Variants in LURAP1L observed in about 807,000 individuals in gnomAD.
LURAP1L encodes leucine rich adaptor protein 1 like, also known as leucine rich adaptor protein 1-like.
Under a neutral mutation model 13.8 loss-of-function variants are expected in LURAP1L, and 12 were observed. The ratio of observed to expected loss-of-function variants is 0.87; its 90% CI spans 0.56 to 1.41. LURAP1L has a LOEUF of 1.41. Ranked by LOEUF, LURAP1L falls within the 40% of genes most tolerant of loss-of-function variation. LURAP1L has a pLI of 0.00. For missense variants in LURAP1L, 375 were observed against 292.9 expected (o/e 1.28, Z -2.04); for synonymous variants, 139 against 119.2 (o/e 1.17, Z -1.08).
chr9:12,788,293 T>C (rs1044216528), intron 1 of LURAP1L, among the ~76,000 whole-genome samples: 1 of 152,060 alleles, frequency 6.6e-6, no homozygotes, highest in African/African-American at 2.4e-5. Flanking sequence ...GAAAAAAGAA[T>C]GATGATGCCT....
At chr9:12,777,613 A>G in intron 1 of LURAP1L, 1 of 955,606 alleles carries the variant, frequency 1.0e-6, no homozygotes, top group Non-Finnish European at 1.2e-6. Context: ...TAGCACATCA[A>G]AGATAATACT....
intron 1 of LURAP1L, 89 bp from the exon 2 acceptor site, chr9:12,821,297 T>A: frequency 7.1e-7 from 1 of 1,404,520 alleles, no homozygotes; most frequent in South Asian, 1.4e-5. Flanking sequence ...TTTAAAATTC[T>A]GAACTGCAGC....
chr9:12,785,823 G>A (rs369359609), intron 1 of LURAP1L, among the ~76,000 whole-genome samples: 2 of 152,068 alleles, frequency 1.3e-5, no homozygotes, highest in African/African-American at 4.8e-5. Flanking sequence ...TTAAAACCGG[G>A]TACTATGATT....
chr9:12,806,321 G>C (rs1276263515), intron 1 of LURAP1L, among the ~76,000 whole-genome samples: 1 of 152,016 alleles, frequency 6.6e-6, no homozygotes. Flanking sequence ...TCGTTTTCTA[G>C]TATACATATT....
chr9:12,811,879 C>A (rs1454002201), intron 1 of LURAP1L, among the ~76,000 whole-genome samples: 2 of 152,148 alleles, frequency 1.3e-5, no homozygotes, highest in Non-Finnish European at 2.9e-5. Context: ...CATCAAGGTG[C>A]CTTGATGAGG....
At chr9:12,819,226 T>C (rs1466722314) in intron 1 of LURAP1L, among the ~76,000 whole-genome samples, 1 of 152,212 alleles carries the variant, frequency 6.6e-6, no homozygotes, top group East Asian at 1.9e-4. Context: ...TTTAGTGCTT[T>C]GTTCAGAGAA....
At chr9:12,820,449 G>A (rs955993423) in intron 1 of LURAP1L, among the ~76,000 whole-genome samples, 15 of 142,790 alleles carry the variant, frequency 1.1e-4, no homozygotes, top group African/African-American at 3.9e-4. Flanking sequence ...CTTGCAGTGA[G>A]CCGAGATTCC....
intron 1 of LURAP1L, among the ~76,000 whole-genome samples, chr9:12,800,550 A>G (rs1418278509): frequency 1.3e-5 from 2 of 152,152 alleles, no homozygotes; most frequent in African/African-American, 4.8e-5. Context: ...AAAACAAAAA[A>G]CATATTGAAT....
At position 12,777,176 on chromosome 9, in the gene LURAP1L, C is replaced by T. The variant is rs541234285; in HGVS notation, c.312+1149C>T. 9 of 887,686 alleles carry T rather than the reference C, an allele frequency of 1.0e-5. No homozygotes were observed. In the East Asian group the frequency reaches 6.0e-4, roughly 59 times the overall value. The allele number at this position is 887,686 out of a possible 1,614,324, so 55.0% of individuals were successfully genotyped here. On this transcript the variant is annotated intron_variant, in intron 1 of 1. Transcript: ENST00000319264. The stretch of plus-strand genomic sequence containing the variant: ...TCGTTTAGTTATTATAGAGTTCTAT[C>T]ATTTAGTGATTGTTATTTTTTAGGT...
At chr9:12,785,178 A>G (rs1432338514) in intron 1 of LURAP1L, among the ~76,000 whole-genome samples, 1 of 152,114 alleles carries the variant, frequency 6.6e-6, no homozygotes, top group African/African-American at 2.4e-5. Flanking sequence ...AGGGCCTGGC[A>G]TGGGGGCTTC....
At chr9:12,807,758 C>T (rs1259240872) in intron 1 of LURAP1L, among the ~76,000 whole-genome samples, 2 of 148,144 alleles carry the variant, frequency 1.4e-5, no homozygotes, top group Non-Finnish European at 3.0e-5. Context: ...TTCATTCTTA[C>T]TTTTTTCTTT....
At chr9:12,786,769 G>GT (rs1819362189) in intron 1 of LURAP1L, among the ~76,000 whole-genome samples, 1 of 151,350 alleles carries the variant, frequency 6.6e-6, no homozygotes, top group South Asian at 2.1e-4. Context: ...AGGCTCTTAT[G>GT]AAAGAGTGAT....
rs184705961 is a variant in LURAP1L at position 12,806,756 on chromosome 9, T to C, written c.313-14630T>C. Among the ~76,000 whole-genome samples, 1,459 of 151,826 alleles carry C rather than the reference T, an allele frequency of 9.6e-3. 10 individuals carry two copies. Among genetic ancestry groups the C allele is most frequent in the Non-Finnish European group, 0.015 (1,030 of 67,914 alleles). ...TAGTAGGCCTAGAAAAAAAATAAGG[T>C]GTTGAGATTTCCATTTCTAGATTGT... On this transcript the variant is annotated intron_variant, in intron 1 of 1. Transcript: ENST00000319264.
At chr9:12,786,575 T>TATATATATATATATAC (rs1409561310) in intron 1 of LURAP1L, among the ~76,000 whole-genome samples, 22 of 128,692 alleles carry the variant, frequency 1.7e-4, no homozygotes, top group Non-Finnish European at 2.8e-4. Context: ...TATATATATA[T>TATATATATATATATAC]ATATATAAAC....
At chr9:12,779,509 C>T (rs947621615) in intron 1 of LURAP1L, among the ~76,000 whole-genome samples, 1 of 152,060 alleles carries the variant, frequency 6.6e-6, no homozygotes, top group African/African-American at 2.4e-5. Context: ...CTCCTGACCT[C>T]GTGATCCGCC....
chr9:12,821,826 A>T lies in LURAP1L; in HGVS notation c.*66A>T. 1 of 1,512,708 alleles carries T rather than the reference A, an allele frequency of 6.6e-7. No individual in the cohort carries two copies. Among genetic ancestry groups the T allele is most frequent in the Non-Finnish European group, 8.8e-7 (1 of 1,132,144 alleles). 93.7% of individuals were successfully genotyped at this position (1,512,708 alleles called of 1,614,324 possible). A position where few individuals can be genotyped will look rare whatever the true frequency, so the allele number is the denominator to read the frequency against. On this transcript the variant is annotated 3_prime_UTR_variant, in exon 2 of 2. Coordinates refer to ENST00000319264, the MANE Select transcript of LURAP1L (RefSeq NM_203403.2). ...ATTTATCCTTCTTCTCCGCTGCTAT[A>T]TTTTTGGTGTGATTTTTATTTTAAT...
chr9:12,801,359 A>G (rs1159421648), intron 1 of LURAP1L, among the ~76,000 whole-genome samples: 3 of 151,812 alleles, frequency 2.0e-5, no homozygotes, highest in Non-Finnish European at 4.4e-5. Context: ...CTCATGGTGA[A>G]GTTGTGAATG....
chr9:12,810,195 G>A (rs1819717395), intron 1 of LURAP1L, among the ~76,000 whole-genome samples: 1 of 152,270 alleles, frequency 6.6e-6, no homozygotes, highest in Middle Eastern at 3.4e-3. Context: ...AGGTTTCCTG[G>A]AGGTAAAACT....
At chr9:12,820,065 A>G (rs934271397) in intron 1 of LURAP1L, among the ~76,000 whole-genome samples, 2 of 151,850 alleles carry the variant, frequency 1.3e-5, no homozygotes, top group Non-Finnish European at 2.9e-5. Flanking sequence ...CAACAGAACA[A>G]TCATGGGAGT....
Sources: gnomAD v4.1 joint callset for allele counts (sites outside exome capture counted in the v4.1 genomes callset) on GRCh38, gnomAD v4.1.1 for gene constraint, MANE v1.5 for transcripts, NCBI Gene and HGNC (gene_info 2026-07-23, HGNC 2026-07-21) for gene names.